The following SLC8A3 variants were observed in gnomAD, a reference collection of about 807,000 sequenced individuals.
SLC8A3 encodes sodium/calcium exchanger 3.
SLC8A3 carries 37 observed loss-of-function variants against 65.4 expected under a neutral mutation model. That is an observed-to-expected ratio of 0.57 (90% CI 0.44 to 0.74). SLC8A3 has a LOEUF of 0.74. SLC8A3 is among the 30% of genes least tolerant of loss of function. The pLI is 0.00. For missense variants in SLC8A3, 1,112 were observed against 1,172.1 expected (o/e 0.95, Z 0.75); for synonymous variants, 461 against 444.5 (o/e 1.04, Z -0.47).
At chr14:70,071,550 A>G (rs1890016195) in intron 2 of SLC8A3, among the ~76,000 whole-genome samples, 1 of 152,182 alleles carries the variant, frequency 6.6e-6, no homozygotes, top group African/African-American at 2.4e-5. Flanking sequence ...GGGGACCTCC[A>G]ACCTCAAGCC....
At chr14:70,073,520 A>G (rs1453265997) in intron 2 of SLC8A3, among the ~76,000 whole-genome samples, 1 of 152,204 alleles carries the variant, frequency 6.6e-6, no homozygotes, top group Non-Finnish European at 1.5e-5. Flanking sequence ...GGAATAAATG[A>G]TTGCTGTGCC....
chr14:70,048,990 A>T lies in SLC8A3; in HGVS notation c.2166T>A (p.Phe722Leu), dbSNP rs1232202037. The T allele has an allele frequency of 1.2e-6, 2 of 1,614,032 alleles. No homozygotes were observed. Among genetic ancestry groups the T allele is most frequent in the African/African-American group, 2.7e-5 (2 of 74,950 alleles). The change falls in exon 6 of 7, where the codon TTT (phenylalanine) becomes TTA (leucine). Residue 722 changes from phenylalanine (F) to leucine (L), a missense_variant. Coordinates refer to ENST00000356921, the MANE Select transcript of SLC8A3 (RefSeq NM_182932.3). The part of the protein sequence containing the change: ...ESGEERLPSC[F>L]DYVMHFLTVF... ...CAGTCAGGAAGTGCATGACGTAGTC[A>T]AAGCAGGAGGGCAGCCTCTCCTCCC...
intron 1 of SLC8A3, chr14:70,187,000 G>C (rs1594836969): frequency 6.6e-6 from 1 of 152,392 alleles, no homozygotes; most frequent in East Asian, 1.9e-4. Flanking sequence ...AAGTCACCGG[G>C]TCGCCAGGGG....
At chr14:70,137,149 C>CTT (rs11314654) in intron 2 of SLC8A3, among the ~76,000 whole-genome samples, 16,546 of 144,718 alleles carry the variant, frequency 0.11, 1,160 homozygotes, top group Non-Finnish European at 0.16. Flanking sequence ...GTTTATATAT[C>CTT]TTTTTTTTTT....
intron 2 of SLC8A3, among the ~76,000 whole-genome samples, chr14:70,156,834 C>T (rs1377406327): frequency 6.6e-6 from 1 of 152,294 alleles, no homozygotes; most frequent in African/African-American, 2.4e-5. Context: ...TTCTGTCTTG[C>T]TTTACAGCAC....
intron 1 of SLC8A3, among the ~76,000 whole-genome samples, chr14:70,170,713 G>A (rs542883942): frequency 2.6e-5 from 4 of 152,218 alleles, no homozygotes; most frequent in South Asian, 4.2e-4. Flanking sequence ...AATTCTCTTC[G>A]GGACACAAAA....
chr14:70,057,658 C>G (rs774227683), intron 3 of SLC8A3, among the ~76,000 whole-genome samples: 2 of 152,180 alleles, frequency 1.3e-5, no homozygotes, highest in African/African-American at 4.8e-5. Flanking sequence ...TTGACTGACA[C>G]AATACCTCGA....
chr14:70,090,498 G>A (rs1055901679), intron 2 of SLC8A3, among the ~76,000 whole-genome samples: 10 of 152,020 alleles, frequency 6.6e-5, no homozygotes, highest in African/African-American at 2.4e-4. Context: ...TCCTAATCGT[G>A]GTATACAGGT....
Position 70,045,800 on chromosome 14 carries a change from A to G in SLC8A3, c.*147T>C, listed in dbSNP as rs1187692494. 1 of 700,134 alleles carries G rather than the reference A, an allele frequency of 1.4e-6. No homozygotes were observed. The highest frequency in any genetic ancestry group is 2.5e-5 in the South Asian group (1 of 39,810). 43.4% of individuals were successfully genotyped at this position (700,134 alleles called of 1,614,324 possible). On this transcript the variant is annotated 3_prime_UTR_variant, in exon 7 of 7. Coordinates refer to ENST00000356921, the MANE Select transcript of SLC8A3 (RefSeq NM_182932.3). ...GACTTTGCCCTTTCAGTTAATTGCC[A>G]GGGCCTAAGTTGGGTGAAGTTCCTG...
rs8020841 is a variant in SLC8A3 at position 70,045,442 on chromosome 14, T to C, written c.*505A>G. ...AAACAAAATAATAAGCAAAACCTAA[T>C]GGCAAAACGAAAGCAACCACAATAA... On this transcript the variant is annotated 3_prime_UTR_variant, in exon 7 of 7. Coordinates refer to ENST00000356921, the MANE Select transcript of SLC8A3 (RefSeq NM_182932.3). 38,842 of 152,198 alleles carry C rather than the reference T, an allele frequency of 0.26. 5,189 individuals are homozygous for C. The highest frequency in any genetic ancestry group is 0.33 in the African/African-American group (13,488 of 41,426). 9.4% of individuals were successfully genotyped at this position (152,198 alleles called of 1,614,324 possible).
rs192297010 is a variant in SLC8A3, at chr14:70,075,589, C to A, written c.1785-14650G>T. 9.9e-5 allele frequency among the ~76,000 whole-genome samples: 15 copies of A among 152,178 alleles called. No individual in the cohort carries two copies. In the East Asian group the frequency reaches 2.7e-3, roughly 27 times the overall value. On this transcript the variant is annotated intron_variant, in intron 2 of 6. Coordinates refer to ENST00000356921, the MANE Select transcript of SLC8A3 (RefSeq NM_182932.3). ...AGCGTGGTCCCCCTCTGCTTGGAACCGTCTTCTCTGCCACACCACCCTACT... is the reference window on the plus strand; with the variant it reads ...AGCGTGGTCCCCCTCTGCTTGGAACAGTCTTCTCTGCCACACCACCCTACT...
At position 70,082,527 on chromosome 14, in the gene SLC8A3, T is replaced by A. The variant is rs577363358; in HGVS notation, c.1785-21588A>T. Among the ~76,000 whole-genome samples the A allele has an allele frequency of 4.2e-4, 64 of 152,308 alleles. 2 individuals carry two copies. The Middle Eastern group carries it at 0.027, about 65-fold the overall frequency. On this transcript the variant is annotated intron_variant, in intron 2 of 6. Transcript: ENST00000356921. ...CCCTGCATACAAGGCAGAGCTGAGA[T>A]CCCATTTCCTGAAGAAACTGTCCCC...
At chr14:70,170,054 A>G (rs8014714) in intron 1 of SLC8A3, among the ~76,000 whole-genome samples, 78,378 of 151,860 alleles carry the variant, frequency 0.52, 20,716 homozygotes, top group East Asian at 0.93. Flanking sequence ...TCCAACTCTC[A>G]CTAGTTCTCA....
chr14:70,123,686 G>A lies in SLC8A3; in HGVS notation c.1784+42953C>T, dbSNP rs377405987. Among the ~76,000 whole-genome samples the A allele has an allele frequency of 1.5e-3, 228 of 152,248 alleles. 6 individuals are homozygous for A. In the South Asian group the frequency reaches 0.047, roughly 31 times the overall value. On this transcript the variant is annotated intron_variant, in intron 2 of 6. Coordinates refer to ENST00000356921, the MANE Select transcript of SLC8A3 (RefSeq NM_182932.3). ...GCTGGTCTTGAACTCCCGACCTCAG[G>A]TAATCCACCCGCCTCAGTCTCCCAA...
intron 2 of SLC8A3, among the ~76,000 whole-genome samples, chr14:70,070,653 C>T (rs1889928111): frequency 1.3e-5 from 2 of 152,136 alleles, no homozygotes; most frequent in African/African-American, 4.8e-5. Flanking sequence ...CTACCACATA[C>T]CATTCCATCA....
chr14:70,110,800 C>T (rs1431340100), intron 2 of SLC8A3, among the ~76,000 whole-genome samples: 1 of 151,704 alleles, frequency 6.6e-6, no homozygotes, highest in African/African-American at 2.4e-5. Context: ...CCTGCCTCAG[C>T]CTTCCGAGTA....
chr14:70,170,009 A>G (rs559094399), intron 1 of SLC8A3, among the ~76,000 whole-genome samples: 150 of 152,192 alleles, frequency 9.9e-4, no homozygotes, highest in Middle Eastern at 6.8e-3. Context: ...TACCTCATGA[A>G]TCTACTTCAG....
In SLC8A3 at chr14:70,046,476, C is replaced by G. The variant is rs953868194; in HGVS notation, c.2390-153G>C. ...GGCCACTCCTAACTCCTAGTTCTGCCGCAAGCAAGCCGTGTGGCCCTGGGT... is the reference window on the plus strand; with the variant it reads ...GGCCACTCCTAACTCCTAGTTCTGCGGCAAGCAAGCCGTGTGGCCCTGGGT... On this transcript the variant is annotated intron_variant, in intron 6 of 6. Coordinates refer to ENST00000356921, the MANE Select transcript of SLC8A3 (RefSeq NM_182932.3). This position sits in a 1 kb window ranked among gnomAD's most constrained non-coding sequence, Gnocchi z 4.2. 1 of 732,102 alleles carries G rather than the reference C, an allele frequency of 1.4e-6. No individual in the cohort carries two copies. The highest frequency in any genetic ancestry group is 2.9e-5 in the Admixed American group (1 of 34,174). The allele number at this position is 732,102 out of a possible 1,614,324, so 45.4% of individuals were successfully genotyped here. A position where few individuals can be genotyped will look rare whatever the true frequency, so the allele number is the denominator to read the frequency against.
intron 2 of SLC8A3, among the ~76,000 whole-genome samples, chr14:70,100,882 G>C (rs1892508793): frequency 6.6e-6 from 1 of 152,204 alleles, no homozygotes; most frequent in Non-Finnish European, 1.5e-5. Context: ...TGGCTTTTCT[G>C]TGTCTCACAA....
Sources: allele counts gnomAD v4.1 joint callset (sites outside exome capture counted in the v4.1 genomes callset), GRCh38; gene constraint gnomAD v4.1.1; non-coding constraint Gnocchi (gnomAD v3.1); transcripts MANE v1.5; gene names NCBI Gene and HGNC (gene_info 2026-07-23, HGNC 2026-07-21).